ARAP2: variants seen among roughly 807,000 people sequenced by gnomAD.
ARAP2 encodes the protein ArfGAP with RhoGAP domain, ankyrin repeat and PH domain 2.
ARAP2 carries 148 observed loss-of-function variants against 194.5 expected under a neutral mutation model. That is an observed-to-expected ratio of 0.76 (90% CI 0.67 to 0.87). The LOEUF (loss-of-function observed/expected upper bound fraction) is 0.87, where lower values mean the gene tolerates loss of function less well. Among genes scored for constraint, ARAP2 ranks in the 40% least tolerant of loss-of-function variants. The probability of loss-of-function intolerance (pLI) is 0.00; values close to 1 mark genes in which losing one functional copy is unlikely to be tolerated. For synonymous variants in ARAP2, 695 were observed against 683.5 expected (o/e 1.02, Z -0.26); for missense variants, 2,128 against 1,989.7 (o/e 1.07, Z -1.32).
intron 31 of ARAP2, among the ~76,000 whole-genome samples, chr4:36,076,347 A>T (rs1265824967): frequency 1.3e-5 from 2 of 151,980 alleles, no homozygotes; most frequent in Non-Finnish European, 2.9e-5. Flanking sequence ...TCCTGATTGG[A>T]TTGTCTTCAT....
chr4:36,224,312 A>AC (rs1235470940), intron 2 of ARAP2, among the ~76,000 whole-genome samples: 2 of 151,812 alleles, frequency 1.3e-5, no homozygotes, highest in Non-Finnish European at 2.9e-5. Context: ...AAAAAAAAAA[A>AC]ACACAATCAT....
Position 36,128,689 on chromosome 4 carries a change from G to T in ARAP2, c.3484C>A (p.Leu1162Ile). 1 of 1,612,476 alleles carries T rather than the reference G, an allele frequency of 6.2e-7. No homozygotes were observed. The highest frequency in any genetic ancestry group is 8.5e-7 in the Non-Finnish European group (1 of 1,179,276). ...KNGDPLHISE[L>I]LESFKKDARS... ...GCATCCTTTTTGAAACTCTCCAGGA[G>T]TTCACTTATATGCAAAGGATCACCA... Residue 1162 changes from leucine to isoleucine, a missense_variant, in exon 21 of 33, where the codon CTC becomes ATC. Transcript: ENST00000303965.
rs1740822901 is a variant in ARAP2 at position 36,187,435 on chromosome 4, A to G, written c.1678+16T>C. The G allele has an allele frequency of 7.4e-7, 1 of 1,344,110 alleles. No homozygotes were observed. Among genetic ancestry groups the G allele is most frequent in the African/African-American group, 1.5e-5 (1 of 67,436 alleles). The allele number at this position is 1,344,110 out of a possible 1,614,324, so 83.3% of individuals were successfully genotyped here. A position where few individuals can be genotyped will look rare whatever the true frequency, so the allele number is the denominator to read the frequency against. On this transcript the variant is annotated intron_variant, in intron 8 of 32. Transcript: ENST00000303965. ...AGAAATTAATGTATTTCATATGGAT[A>G]AATAAATAATCTCACCTTCTTTTTC...
chr4:36,106,613 C>T (rs542782150), intron 27 of ARAP2, among the ~76,000 whole-genome samples: 2 of 151,932 alleles, frequency 1.3e-5, no homozygotes, highest in South Asian at 4.2e-4. Flanking sequence ...TACCATCCTC[C>T]CCACCTTTTT....
intron 27 of ARAP2, among the ~76,000 whole-genome samples, chr4:36,104,290 C>T (rs1463709497): frequency 6.6e-6 from 1 of 151,832 alleles, no homozygotes; most frequent in East Asian, 1.9e-4. Context: ...AACATTATTC[C>T]CATTTTTCTT....
At chr4:36,079,152 C>A (rs1277791270) in intron 31 of ARAP2, among the ~76,000 whole-genome samples, 3 of 106,704 alleles carry the variant, frequency 2.8e-5, no homozygotes, top group South Asian at 3.1e-4. Context: ...CCAGCCTGGG[C>A]AACAGAGCAA....
At chr4:36,105,812 G>C (rs1345212946) in intron 27 of ARAP2, among the ~76,000 whole-genome samples, 1 of 151,878 alleles carries the variant, frequency 6.6e-6, no homozygotes, top group Non-Finnish European at 1.5e-5. Context: ...AGCCTTTTAG[G>C]ATCTAATTCT....
chr4:36,013,829 G>C (rs1715015007), intron 8 of ARAP2, among the ~76,000 whole-genome samples: 1 of 152,116 alleles, frequency 6.6e-6, no homozygotes, highest in Non-Finnish European at 1.5e-5. Context: ...ATCAAAGACA[G>C]AGACTCTTAA....
At chr4:36,208,815 C>T (rs569235144) in intron 6 of ARAP2, among the ~76,000 whole-genome samples, 1 of 149,352 alleles carries the variant, frequency 6.7e-6, no homozygotes, top group African/African-American at 2.5e-5. Flanking sequence ...CCACTCATCT[C>T]GGTATTTTGG....
intron 3 of ARAP2, among the ~76,000 whole-genome samples, chr4:36,051,203 T>C (rs1471878043): frequency 6.6e-6 from 1 of 152,196 alleles, no homozygotes; most frequent in Non-Finnish European, 1.5e-5. Context: ...CATCATTGTT[T>C]CAAATGCATA....
intron 8 of ARAP2, among the ~76,000 whole-genome samples, chr4:36,187,226 G>A (rs1168488036): frequency 2.0e-5 from 3 of 152,090 alleles, no homozygotes; most frequent in South Asian, 2.1e-4. Flanking sequence ...TGAGTCCTTA[G>A]CACACAATAG....
rs1724643312 is a variant in ARAP2, at chr4:36,128,793, G to A, written c.3428-48C>T. The stretch of plus-strand genomic sequence containing the variant: ...ATACTTTAAAAGTCTAAATTCAAAA[G>A]CCAGTTTGATATTTTAAAAACAAAA... On this transcript the variant is annotated intron_variant, in intron 20 of 32. Coordinates refer to ENST00000303965, the MANE Select transcript of ARAP2 (RefSeq NM_015230.4). 3.5e-6 allele frequency: 5 copies of A among 1,422,842 alleles called. No individual in the cohort carries two copies. The East Asian group carries it at 1.2e-4, about 34-fold the overall frequency. 88.1% of individuals were successfully genotyped at this position (1,422,842 alleles called of 1,614,324 possible).
intron 28 of ARAP2, among the ~76,000 whole-genome samples, chr4:36,085,109 C>T (rs1044909910): frequency 3.3e-5 from 5 of 151,946 alleles, no homozygotes; most frequent in Non-Finnish European, 5.9e-5. Flanking sequence ...TTTGTTTGTA[C>T]TAGTTCTTTA....
Position 36,114,158 on chromosome 4 carries a change from A to G in ARAP2, c.4156+12T>C. The G allele has an allele frequency of 6.5e-7, 1 of 1,530,048 alleles. No individual in the cohort carries two copies. The highest frequency in any genetic ancestry group is 9.0e-7 in the Non-Finnish European group (1 of 1,109,464). 94.8% of individuals were successfully genotyped at this position (1,530,048 alleles called of 1,614,324 possible). ...AAGTAATTTAAGAATCCCTAGCATA[A>G]AAATCACTTACCTAGCTCTTCATTT... On this transcript the variant is annotated intron_variant, in intron 26 of 32. Transcript: ENST00000303965.
At chr4:36,071,415 T>C (rs1349394541) in intron 32 of ARAP2, among the ~76,000 whole-genome samples, 2 of 152,174 alleles carry the variant, frequency 1.3e-5, no homozygotes, top group East Asian at 1.9e-4. Flanking sequence ...TGCCTCTTCA[T>C]GTGTGATTTC....
At chr4:36,121,078 ATG>A in intron 23 of ARAP2, 99 bp downstream of exon 23, 1 of 844,758 alleles carries the variant, frequency 1.2e-6, no homozygotes, top group East Asian at 3.2e-5. Context: ...ATTTCTAAAT[ATG>A]AATAAAGATC....
chr4:36,047,602 A>G (rs1450417632), intron 3 of ARAP2, among the ~76,000 whole-genome samples: 2 of 152,170 alleles, frequency 1.3e-5, no homozygotes, highest in Non-Finnish European at 2.9e-5. Context: ...ATTCCTCAAT[A>G]TTCATTTTCC....
At chr4:36,163,804 C>T (rs1266883359) in intron 11 of ARAP2, among the ~76,000 whole-genome samples, 3 of 152,096 alleles carry the variant, frequency 2.0e-5, no homozygotes, top group African/African-American at 4.8e-5. Context: ...GCACAAAGGC[C>T]GTCTCTTCCA....
rs540674929 is a variant in ARAP2 at position 36,042,073 on chromosome 4, A to G, written n.607+3906T>C. Among the ~76,000 whole-genome samples, 7 of 152,268 alleles carry G rather than the reference A, an allele frequency of 4.6e-5. No individual in the cohort carries two copies. The East Asian group carries it at 1.3e-3, about 29-fold the overall frequency. ...GCAGCAGAAAAAATAATTATTGGGT[A>G]CTGGGCTTAACACCTGGGTGATGAA... On this transcript the variant is annotated intron_variant and non_coding_transcript_variant, in intron 5 of 12. Transcript: ENST00000503225.
Sources: allele counts gnomAD v4.1 joint callset (sites outside exome capture counted in the v4.1 genomes callset), GRCh38; gene constraint gnomAD v4.1.1; transcripts MANE v1.5; gene names NCBI Gene and HGNC (gene_info 2026-07-23, HGNC 2026-07-21).